The following FRMPD4 variants were observed in gnomAD, a reference collection of about 807,000 sequenced individuals.
FRMPD4 encodes FERM and PDZ domain-containing protein 4.
Under a neutral mutation model 94.1 loss-of-function variants are expected in FRMPD4, and 22 were observed. That is an observed-to-expected ratio of 0.23 (90% CI 0.17 to 0.33). The LOEUF (loss-of-function observed/expected upper bound fraction) is 0.33, where lower values mean the gene tolerates loss of function less well. Ranked by LOEUF, FRMPD4 falls within the 10% of genes least tolerant of loss-of-function variation. The pLI is 1.00. For synonymous variants in FRMPD4, 631 were observed against 548.6 expected, an observed-to-expected ratio of 1.15 and a Z score of -2.10; for missense variants, 1,111 against 1,339.9, an observed-to-expected ratio of 0.83 and a Z score of 2.67.
At chrX:12,400,032 T>C (rs758720794) in intron 1 of FRMPD4, among the ~76,000 whole-genome samples, 17 of 111,332 alleles carry the variant, frequency 1.5e-4, no homozygotes, top group Non-Finnish European at 5.7e-5. Context: ...TTTGGCCAAA[T>C]AGCCTTAAAA....
chrX:11,974,165 C>T (rs1036161968), intron 3 of FRMPD4, among the ~76,000 whole-genome samples: 2 of 111,169 alleles, frequency 1.8e-5, no homozygotes, highest in Non-Finnish European at 3.8e-5. Flanking sequence ...CCCAGCCTCA[C>T]GTTGAAATCT....
At chrX:12,653,261 A>G (rs2059614002) in intron 4 of FRMPD4, among the ~76,000 whole-genome samples, 1 of 112,353 alleles carries the variant, frequency 8.9e-6, no homozygotes, top group Non-Finnish European at 1.9e-5. Flanking sequence ...AGAAAAAGCA[A>G]CCAAAGCCAA....
chrX:12,454,499 C>T (rs1421440250), intron 1 of FRMPD4, among the ~76,000 whole-genome samples: 2 of 108,783 alleles, frequency 1.8e-5, no homozygotes, highest in Admixed American at 9.8e-5. Flanking sequence ...CGTGGACTGC[C>T]GAGAATATTG....
intron 1 of FRMPD4, among the ~76,000 whole-genome samples, chrX:12,244,504 C>G (rs2053926224): frequency 8.9e-6 from 1 of 112,133 alleles, no homozygotes; most frequent in Non-Finnish European, 1.9e-5. Flanking sequence ...CGCCCTAGTT[C>G]TGCTTTATTG....
chrX:12,444,377 A>G (rs1256125411), intron 1 of FRMPD4, among the ~76,000 whole-genome samples: 1 of 111,287 alleles, frequency 9.0e-6, no homozygotes, highest in African/African-American at 3.3e-5. Context: ...CTATGCAAAG[A>G]GGGCTGTAAA....
chrX:12,168,974 ATCT>A (rs1200129853), intron 1 of FRMPD4, among the ~76,000 whole-genome samples: 2 of 111,897 alleles, frequency 1.8e-5, no homozygotes, highest in Non-Finnish European at 3.8e-5. Context: ...AGTTTCTTTC[ATCT>A]TCTTCAACAT....
At chrX:11,987,097 T>TCAAAAAAAAAAAAAAAAAAAAAAAAA (rs1569137639) in intron 3 of FRMPD4, among the ~76,000 whole-genome samples, 1 of 14,642 alleles carries the variant, frequency 6.8e-5, no homozygotes, top group African/African-American at 4.8e-4. Flanking sequence ...CAAAGACACA[T>TCAAAAAAAAAAAAAAAAAAAAAAAAA]TAAAAAAAAA....
At chrX:12,596,620 G>A (rs763310943) in intron 2 of FRMPD4, among the ~76,000 whole-genome samples, 1 of 110,072 alleles carries the variant, frequency 9.1e-6, no homozygotes, top group East Asian at 2.9e-4. Flanking sequence ...TCTAGCGGGA[G>A]TGCACTCTTG....
rs1478696245 is a variant in FRMPD4, at chrX:12,718,644, C to T, written c.3818C>T (p.Ala1273Val). 5 of 1,207,907 alleles carry T rather than the reference C, an allele frequency of 4.1e-6. No homozygotes were observed. In the Admixed American group the frequency reaches 1.1e-4, roughly 26 times the overall value. Residue 1273 changes from alanine (A) to valine (V), a missense_variant, in exon 16 of 17, where the codon GCC (alanine) becomes GTC (valine). Physicochemically the swap from Ala to Val is moderately conservative, Grantham distance 64. Coordinates refer to ENST00000675598, the MANE Select transcript of FRMPD4 (RefSeq NM_001368397.1). ...GCCCCTGGGCTTCCCAACCACGGAG[C>T]CACCTTTAAGGAACTGCACCCACAG... The part of the protein sequence containing the change: ...ERAPGLPNHG[A>V]TFKELHPQTE...
At chrX:11,964,543 C>G (rs1392172722) in intron 3 of FRMPD4, among the ~76,000 whole-genome samples, 1 of 111,803 alleles carries the variant, frequency 8.9e-6, no homozygotes, top group Admixed American at 9.5e-5. Flanking sequence ...TATAGTAGGA[C>G]TTCCCACAGT....
rs1018148276 is a variant in FRMPD4 at position 12,276,892 on chromosome X, C to T, written c.41+137880C>T. On this transcript the variant is annotated intron_variant, in intron 1 of 16. Transcript: ENST00000675598. ...ATCCCAGCACTTTGGGAGGCCGAGG[C>T]GGGCGGATCACGAGGTCAGGAGATC... 5.4e-5 allele frequency among the ~76,000 whole-genome samples: 6 copies of T among 110,573 alleles called. No individual in the cohort carries two copies. The East Asian group carries it at 1.4e-3, about 26-fold the overall frequency.
At chrX:12,472,466 G>C (rs2057525417) in intron 1 of FRMPD4, among the ~76,000 whole-genome samples, 1 of 112,154 alleles carries the variant, frequency 8.9e-6, no homozygotes. Flanking sequence ...AAGAACTCTG[G>C]TCATGGAGCA....
At chrX:12,296,159 T>G (rs751333963) in intron 1 of FRMPD4, among the ~76,000 whole-genome samples, 46 of 111,425 alleles carry the variant, frequency 4.1e-4, no homozygotes, top group Non-Finnish European at 7.2e-4. Flanking sequence ...CATCCCTGAT[T>G]GTGAACCACT....
intron 1 of FRMPD4, among the ~76,000 whole-genome samples, chrX:12,410,737 A>C (rs7879815): frequency 0.017 from 1,939 of 111,425 alleles, 42 homozygotes; most frequent in African/African-American, 0.06. Context: ...TACTTCCACC[A>C]AGTACCACTT....
At chrX:12,164,901 T>A (rs1237917614) in intron 1 of FRMPD4, among the ~76,000 whole-genome samples, 1 of 108,461 alleles carries the variant, frequency 9.2e-6, no homozygotes, top group African/African-American at 3.4e-5. Context: ...GGGTTGTTTG[T>A]TTTTTTCTTG....
Position 12,389,813 on chromosome X carries a change from C to T in FRMPD4, c.42-108867C>T, listed in dbSNP as rs138566913. Among the ~76,000 whole-genome samples the T allele has an allele frequency of 9.0e-5, 10 of 111,490 alleles. 1 individual carries two copies. In the East Asian group the frequency reaches 2.2e-3, roughly 25 times the overall value. ...ACTTAACATGTGCTGGGTACTATCCCGTATGTTTCCTCATTTATTTCTCAG... is the reference window on the plus strand; with the variant it reads ...ACTTAACATGTGCTGGGTACTATCCTGTATGTTTCCTCATTTATTTCTCAG... On this transcript the variant is annotated intron_variant, in intron 1 of 16. Transcript: ENST00000675598.
chrX:12,220,094 TC>T (rs1433969475), intron 1 of FRMPD4, among the ~76,000 whole-genome samples: 1 of 111,627 alleles, frequency 9.0e-6, no homozygotes, highest in Non-Finnish European at 1.9e-5. Flanking sequence ...TGAGCGGAGA[TC>T]GCACCATTGC....
At chrX:12,621,562 T>G (rs904776014) in intron 4 of FRMPD4, among the ~76,000 whole-genome samples, 14 of 77,554 alleles carry the variant, frequency 1.8e-4, no homozygotes, top group Non-Finnish European at 2.0e-4. Context: ...TGATTCACAT[T>G]TGTAATTCCA....
intron 3 of FRMPD4, among the ~76,000 whole-genome samples, chrX:12,095,675 T>A (rs2055193509): frequency 9.0e-6 from 1 of 111,686 alleles, no homozygotes; most frequent in African/African-American, 3.3e-5. Context: ...CACTACTTTA[T>A]TAAGCCACCT....
Sources: gnomAD v4.1 joint callset for allele counts (sites outside exome capture counted in the v4.1 genomes callset) on GRCh38, gnomAD v4.1.1 for gene constraint, MANE v1.5 for transcripts, NCBI Gene and HGNC (gene_info 2026-07-23, HGNC 2026-07-21) for gene names.